DNAJC3: variants seen among roughly 807,000 people sequenced by gnomAD.
DNAJC3 encodes the protein DnaJ heat shock protein family (Hsp40) member C3, also known as dnaJ homolog subfamily C member 3.
A neutral mutation model predicts 68.6 loss-of-function variants in DNAJC3; 38 were observed. That is an observed-to-expected ratio of 0.55 (90% CI 0.43 to 0.73). DNAJC3 has a LOEUF of 0.73. Among genes scored for constraint, DNAJC3 ranks in the 30% least tolerant of loss-of-function variants. The pLI is 0.00. For synonymous variants in DNAJC3, 203 were observed against 204.0 expected (o/e 1.00, Z 0.04); for missense variants, 526 against 591.9 (o/e 0.89, Z 1.16).
intron 4 of DNAJC3, among the ~76,000 whole-genome samples, chr13:95,748,726 G>T (rs1156862459): frequency 6.6e-6 from 1 of 152,190 alleles, no homozygotes; most frequent in Non-Finnish European, 1.5e-5. Flanking sequence ...TGAGGCAGGA[G>T]AATTGCTTGA....
intron 4 of DNAJC3, among the ~76,000 whole-genome samples, chr13:95,726,677 C>G (rs2139644786): frequency 6.6e-6 from 1 of 152,282 alleles, no homozygotes; most frequent in South Asian, 2.1e-4. Context: ...AGACACTTAG[C>G]TGGTCTTTTT....
At chr13:95,754,197 G>A (rs1043444574) in intron 4 of DNAJC3, among the ~76,000 whole-genome samples, 3 of 152,184 alleles carry the variant, frequency 2.0e-5, no homozygotes, top group Admixed American at 2.0e-4. Flanking sequence ...CTGAGGGCTT[G>A]GCCAGTAAAC....
chr13:95,716,312 G>C (rs1235410172), intron 2 of DNAJC3, among the ~76,000 whole-genome samples: 1 of 152,218 alleles, frequency 6.6e-6, no homozygotes. Flanking sequence ...GGAGCATGCA[G>C]ATGGGCAGGT....
At chr13:95,773,827 C>T (rs1883228479) in intron 9 of DNAJC3, among the ~76,000 whole-genome samples, 1 of 148,940 alleles carries the variant, frequency 6.7e-6, no homozygotes, top group Admixed American at 6.7e-5. Context: ...ACCTCTACCT[C>T]CTGGGTTCAA....
chr13:95,727,206 T>C (rs1027576395), intron 4 of DNAJC3, among the ~76,000 whole-genome samples: 3 of 152,132 alleles, frequency 2.0e-5, no homozygotes, highest in Admixed American at 6.5e-5. Context: ...TTTTTTTTTT[T>C]CCAATTAAAC....
chr13:95,683,024 G>C (rs1879965279), intron 1 of DNAJC3, among the ~76,000 whole-genome samples: 1 of 152,184 alleles, frequency 6.6e-6, no homozygotes, highest in Non-Finnish European at 1.5e-5. Flanking sequence ...TTGGGACTTT[G>C]AGAAGCAGGC....
chr13:95,739,439 T>C (rs1214373579), intron 4 of DNAJC3, among the ~76,000 whole-genome samples: 1 of 151,516 alleles, frequency 6.6e-6, no homozygotes, highest in East Asian at 1.9e-4. Context: ...GGTTCCATTC[T>C]CCCCATCACT....
intron 9 of DNAJC3, among the ~76,000 whole-genome samples, chr13:95,782,954 G>A (rs148875403): frequency 2.8e-4 from 42 of 152,230 alleles, no homozygotes; most frequent in Middle Eastern, 3.4e-3. Flanking sequence ...TATGTCTTAC[G>A]TTTAAGTCTT....
intron 4 of DNAJC3, among the ~76,000 whole-genome samples, chr13:95,743,691 G>A (rs887350845): frequency 6.6e-6 from 1 of 152,048 alleles, no homozygotes; most frequent in African/African-American, 2.4e-5. Flanking sequence ...CCTAGTGGCT[G>A]GGATCATAGG....
At chr13:95,770,539 A>G (rs1883129726) in intron 9 of DNAJC3, among the ~76,000 whole-genome samples, 1 of 152,250 alleles carries the variant, frequency 6.6e-6, no homozygotes, top group South Asian at 2.1e-4. Context: ...TAAAGTCAAC[A>G]AAACAGATGT....
chr13:95,710,422 G>C (rs1880919148), intron 2 of DNAJC3, among the ~76,000 whole-genome samples: 1 of 151,730 alleles, frequency 6.6e-6, no homozygotes, highest in Non-Finnish European at 1.5e-5. Flanking sequence ...GTAGAGATGG[G>C]GTCTCACTAT....
intron 1 of DNAJC3, among the ~76,000 whole-genome samples, chr13:95,680,676 A>G (rs1408887391): frequency 1.3e-5 from 2 of 152,152 alleles, no homozygotes; most frequent in Admixed American, 1.3e-4. Context: ...AGTGGTTTTC[A>G]TTCTGTGAGG....
At chr13:95,752,079 A>G (rs1298224662) in intron 4 of DNAJC3, among the ~76,000 whole-genome samples, 4 of 152,160 alleles carry the variant, frequency 2.6e-5, no homozygotes, top group Non-Finnish European at 4.4e-5. Context: ...TCAATTAGCT[A>G]TATCCTTACA....
At chr13:95,715,700 A>T (rs1163537823) in intron 2 of DNAJC3, among the ~76,000 whole-genome samples, 3 of 149,790 alleles carry the variant, frequency 2.0e-5, no homozygotes, top group African/African-American at 7.4e-5. Flanking sequence ...GTTGGCGAGG[A>T]TGGTCTCGAT....
chr13:95,704,482 A>T (rs1339201025), intron 1 of DNAJC3, among the ~76,000 whole-genome samples: 1 of 152,218 alleles, frequency 6.6e-6, no homozygotes, highest in African/African-American at 2.4e-5. Flanking sequence ...GAGTAATGGT[A>T]AAACCAGTTA....
chr13:95,755,168 C>T (rs377427605), intron 4 of DNAJC3, among the ~76,000 whole-genome samples: 42 of 152,152 alleles, frequency 2.8e-4, no homozygotes, highest in African/African-American at 5.3e-4. Context: ...TCATCTCAGA[C>T]GGGCACAGTG....
At chr13:95,684,132 A>G (rs746895134) in intron 1 of DNAJC3, among the ~76,000 whole-genome samples, 3 of 152,118 alleles carry the variant, frequency 2.0e-5, no homozygotes, top group Non-Finnish European at 4.4e-5. Context: ...AGGAAGAGGA[A>G]CGAAAGTTTG....
rs34191057 is a variant in DNAJC3, at chr13:95,734,816, CT to C, written c.393+9578del. Reference sequence around the variant, plus strand: ...CTTGCTGTCGTCTATTGTTGAAGCTCTTTTTTTTTTTTTTAATTATACTTTA... The same window carrying C: ...CTTGCTGTCGTCTATTGTTGAAGCTCTTTTTTTTTTTTTAATTATACTTTA... On this transcript the variant is annotated intron_variant, in intron 4 of 11. Coordinates refer to ENST00000602402, the MANE Select transcript of DNAJC3 (RefSeq NM_006260.5). Among the ~76,000 whole-genome samples the C allele has an allele frequency of 7.2e-3, 986 of 137,634 alleles. 4 individuals carry two copies. Among genetic ancestry groups the C allele is most frequent in the South Asian group, 0.021 (92 of 4,358 alleles). The allele number at this position is 137,634 out of a possible 152,430, so 90.3% of individuals were successfully genotyped here.
intron 2 of DNAJC3, among the ~76,000 whole-genome samples, chr13:95,714,157 A>G (rs1193915895): frequency 1.3e-5 from 2 of 152,230 alleles, no homozygotes; most frequent in Non-Finnish European, 2.9e-5. Context: ...GTTATGTAAG[A>G]AAATGCACAC....
Sources: gnomAD v4.1 joint callset for allele counts (sites outside exome capture counted in the v4.1 genomes callset) on GRCh38, gnomAD v4.1.1 for gene constraint, MANE v1.5 for transcripts, NCBI Gene and HGNC (gene_info 2026-07-23, HGNC 2026-07-21) for gene names.